The following SLC25A40 variants were observed in gnomAD, a reference collection of about 807,000 sequenced individuals.
The protein encoded by SLC25A40 is solute carrier family 25 member 40, also known as mitochondrial glutathione transporter SLC25A40.
In SLC25A40, 41 loss-of-function variants were observed where a neutral mutation model predicts 46.5. The ratio of observed to expected loss-of-function variants is 0.88; its 90% CI spans 0.69 to 1.14. The LOEUF (loss-of-function observed/expected upper bound fraction) is 1.14, where lower values mean the gene tolerates loss of function less well. Ranked by LOEUF, SLC25A40 falls within the 50% of genes most tolerant of loss-of-function variation. The pLI, the probability that SLC25A40 is intolerant of heterozygous loss-of-function variation, is 0.00. For synonymous variants in SLC25A40, 126 were observed against 127.5 expected (o/e 0.99, Z 0.08); for missense variants, 386 against 393.6 (o/e 0.98, Z 0.16).
chr7:87,872,521 A>G (rs1838910132), intron 1 of SLC25A40, among the ~76,000 whole-genome samples: 1 of 152,190 alleles, frequency 6.6e-6, no homozygotes, highest in Non-Finnish European at 1.5e-5. Context: ...TCCCACACCC[A>G]CCATGACTGA....
chr7:87,869,596 C>A (rs538496795), intron 1 of SLC25A40, among the ~76,000 whole-genome samples: 1 of 151,768 alleles, frequency 6.6e-6, no homozygotes, highest in East Asian at 1.9e-4. Flanking sequence ...TTCGTACCCC[C>A]TTTTTTTCTG....
intron 10 of SLC25A40, among the ~76,000 whole-genome samples, chr7:87,841,197 T>C (rs1342239870): frequency 6.8e-6 from 1 of 147,344 alleles, no homozygotes; most frequent in Admixed American, 6.8e-5. Context: ...AATCAAAAAA[T>C]AAGAGAAAAA....
rs1250584044 is a variant in SLC25A40 at position 87,834,476 on chromosome 7, G to GTGTT, written c.*1769_*1772dup. ...TCATCCAGATACATTGCATGTATAT[G>GTGTT]TGTTAAAAAAACGACTAGGCAATTA... On this transcript the variant is annotated 3_prime_UTR_variant, in exon 12 of 12. Coordinates refer to ENST00000341119, the MANE Select transcript of SLC25A40 (RefSeq NM_018843.4). 6.6e-6 allele frequency: 1 copy of GTGTT among 151,350 alleles called. No individual in the cohort carries two copies. Among genetic ancestry groups the GTGTT allele is most frequent in the Non-Finnish European group, 1.5e-5 (1 of 67,648 alleles). The allele number at this position is 151,350 out of a possible 1,614,324, so 9.4% of individuals were successfully genotyped here. A position where few individuals can be genotyped will look rare whatever the true frequency, so the allele number is the denominator to read the frequency against.
rs12704373 is a variant in SLC25A40 at position 87,857,648 on chromosome 7, A to T, written c.97+983T>A. Among the ~76,000 whole-genome samples the T allele has an allele frequency of 7.4e-3, 1,121 of 152,344 alleles. 7 individuals carry two copies. Among genetic ancestry groups the T allele is most frequent in the Middle Eastern group, 0.017 (5 of 294 alleles). On this transcript the variant is annotated intron_variant, in intron 3 of 11. Coordinates refer to ENST00000341119, the MANE Select transcript of SLC25A40 (RefSeq NM_018843.4). ...TTTCATAATTTCTTACCCCTGTCTT[A>T]CTTTAATCTCTTAATCCTGTTATTT...
At position 87,836,226 on chromosome 7, in the gene SLC25A40, TG is replaced by T. The variant is rs35067684; in HGVS notation, c.*22del. 1 of 1,439,508 alleles carries T rather than the reference TG, an allele frequency of 6.9e-7. No individual in the cohort carries two copies. Among genetic ancestry groups the T allele is most frequent in the Non-Finnish European group, 9.6e-7 (1 of 1,043,666 alleles). The allele number at this position is 1,439,508 out of a possible 1,614,324, so 89.2% of individuals were successfully genotyped here. On this transcript the variant is annotated 3_prime_UTR_variant, in exon 12 of 12. Transcript: ENST00000341119. ...CTCCATCTTCTTTGGCTATAGTTGT[TG>T]TTTCAAGTTGAAACAGCATCACTAG...
rs576703724 is a variant in SLC25A40 at position 87,856,517 on chromosome 7, C to A, written c.98-166G>T. The A allele has an allele frequency of 1.3e-4, 89 of 688,752 alleles. No homozygotes were observed. In the African/African-American group the frequency reaches 1.4e-3, roughly 11 times the overall value. 42.7% of individuals were successfully genotyped at this position (688,752 alleles called of 1,614,324 possible). On this transcript the variant is annotated intron_variant, in intron 3 of 11. Coordinates refer to ENST00000341119, the MANE Select transcript of SLC25A40 (RefSeq NM_018843.4). ...TGAATGTAACATTCTAATTTTTTTG[C>A]CCTTAAATTTTGTTAATCAGTGAAA...
chr7:87,864,980 C>CTT (rs927908236), intron 1 of SLC25A40, among the ~76,000 whole-genome samples: 3 of 121,490 alleles, frequency 2.5e-5, no homozygotes, highest in South Asian at 2.6e-4. Flanking sequence ...CTTTTCTTTT[C>CTT]TTTTTTTTTT....
intron 1 of SLC25A40, among the ~76,000 whole-genome samples, chr7:87,869,280 CT>C (rs1364535367): frequency 6.6e-6 from 1 of 152,042 alleles, no homozygotes; most frequent in Non-Finnish European, 1.5e-5. Flanking sequence ...ATTCCTAGCA[CT>C]TTGGGGGGCC....
chr7:87,871,311 C>T lies in SLC25A40; in HGVS notation c.-94+4785G>A, dbSNP rs187968325. Among the ~76,000 whole-genome samples, 11 of 152,342 alleles carry T rather than the reference C, an allele frequency of 7.2e-5. No homozygotes were observed. The East Asian group carries it at 2.1e-3, about 29-fold the overall frequency. On this transcript the variant is annotated intron_variant, in intron 1 of 11. Transcript: ENST00000341119. Reference sequence around the variant, plus strand: ...ACAGCCTCCAGATAATAGCATTGAACTGAGGCCCTTCAGACCAACAAGCCA... The same window carrying T: ...ACAGCCTCCAGATAATAGCATTGAATTGAGGCCCTTCAGACCAACAAGCCA...
chr7:87,863,712 A>C lies in SLC25A40; in HGVS notation c.-93-3072T>G, dbSNP rs77194930. Among the ~76,000 whole-genome samples the C allele has an allele frequency of 4.7e-3, 711 of 151,708 alleles. 3 individuals are homozygous for C. Among genetic ancestry groups the C allele is most frequent in the Non-Finnish European group, 7.5e-3 (508 of 67,854 alleles). ...CATTTTAACCATTTATCTTTTATTT[A>C]TGTTAGGAACATTCGAATTATCTTC... On this transcript the variant is annotated intron_variant, in intron 1 of 11. Coordinates refer to ENST00000341119, the MANE Select transcript of SLC25A40 (RefSeq NM_018843.4).
At chr7:87,865,076 C>T (rs372109255) in intron 1 of SLC25A40, among the ~76,000 whole-genome samples, 53 of 151,530 alleles carry the variant, frequency 3.5e-4, no homozygotes, top group Non-Finnish European at 5.7e-4. Context: ...TGCCAGGCTC[C>T]GGCAATCCTA....
At chr7:87,842,362 T>G (rs1363804682) in intron 9 of SLC25A40, 1 of 152,764 alleles carries the variant, frequency 6.5e-6, no homozygotes, top group East Asian at 1.9e-4. Flanking sequence ...AAGGGAGTTT[T>G]TTTAAAATAA....
chr7:87,874,796 A>C (rs577861094), intron 1 of SLC25A40, among the ~76,000 whole-genome samples: 1 of 152,328 alleles, frequency 6.6e-6, no homozygotes, highest in Non-Finnish European at 1.5e-5. Flanking sequence ...GTAGTTAGTG[A>C]AGCCCATATG....
At chr7:87,859,919 G>C (rs966253179) in intron 2 of SLC25A40, among the ~76,000 whole-genome samples, 2 of 152,100 alleles carry the variant, frequency 1.3e-5, no homozygotes, top group Non-Finnish European at 2.9e-5. Context: ...TACAGGGCCA[G>C]GTGTGGTGGC....
intron 1 of SLC25A40, among the ~76,000 whole-genome samples, chr7:87,869,904 T>A (rs117749168): frequency 0.015 from 2,355 of 152,342 alleles, 25 homozygotes; most frequent in Non-Finnish European, 0.026. Context: ...TGAACCATTT[T>A]ACACACCCAC....
At chr7:87,863,749 A>T (rs1431585653) in intron 1 of SLC25A40, among the ~76,000 whole-genome samples, 1 of 152,070 alleles carries the variant, frequency 6.6e-6, no homozygotes, top group African/African-American at 2.4e-5. Flanking sequence ...AGTTATTTTG[A>T]AATGTACAAC....
At chr7:87,851,936 A>AT (rs1383159358) in intron 5 of SLC25A40, among the ~76,000 whole-genome samples, 2 of 152,156 alleles carry the variant, frequency 1.3e-5, no homozygotes, top group African/African-American at 4.8e-5. Flanking sequence ...CAAAGAGAAA[A>AT]TTTTTTTAAA....
intron 1 of SLC25A40, among the ~76,000 whole-genome samples, chr7:87,864,815 A>C (rs1180214926): frequency 6.6e-6 from 1 of 152,178 alleles, no homozygotes; most frequent in Non-Finnish European, 1.5e-5. Flanking sequence ...ATTCTGTGTT[A>C]GTACTAATAA....
chr7:87,844,009 G>C (rs970836814), intron 8 of SLC25A40, 146 bp from the exon 9 acceptor site: 2 of 1,302,682 alleles, frequency 1.5e-6, no homozygotes, highest in Non-Finnish European at 9.7e-7. Context: ...ACTAGGGTGG[G>C]ATTTCTTTTT....
Sources: allele counts gnomAD v4.1 joint callset (sites outside exome capture counted in the v4.1 genomes callset), GRCh38; gene constraint gnomAD v4.1.1; transcripts MANE v1.5; gene names NCBI Gene and HGNC (gene_info 2026-07-23, HGNC 2026-07-21).